Variants in PCDHA6 observed in about 807,000 individuals in gnomAD.
PCDHA6 encodes the protein protocadherin alpha-6.
Under a neutral mutation model 60.3 loss-of-function variants are expected in PCDHA6, and 55 were observed. The observed-to-expected ratio is 0.91, with a 90% confidence interval of 0.73 to 1.14. PCDHA6 has a LOEUF of 1.14. Ranked by LOEUF, PCDHA6 falls within the 50% of genes most tolerant of loss-of-function variation. PCDHA6 has a pLI of 0.00. For missense variants in PCDHA6, 1,327 were observed against 1,256.5 expected (o/e 1.06, Z -0.85); for synonymous variants, 652 against 557.9 (o/e 1.17, Z -2.38).
At chr5:140,972,500 T>C (rs1554234162) in intron 1 of PCDHA6, among the ~76,000 whole-genome samples, 1 of 152,108 alleles carries the variant, frequency 6.6e-6, no homozygotes, top group Non-Finnish European at 1.5e-5. Flanking sequence ...AATCTGTTGG[T>C]AGATTTTACC....
At chr5:140,961,864 AG>A (rs2095638942) in intron 1 of PCDHA6, among the ~76,000 whole-genome samples, 3 of 151,832 alleles carry the variant, frequency 2.0e-5, no homozygotes, top group Non-Finnish European at 2.9e-5. Context: ...ATCTGGCCAC[AG>A]ATAATTGACT....
chr5:140,877,609 C>T (rs1554169925), intron 1 of PCDHA6: 4 of 1,613,876 alleles, frequency 2.5e-6, no homozygotes, highest in Middle Eastern at 1.7e-4. Flanking sequence ...CCTGCTGGTG[C>T]TCACGCTGCT....
At chr5:140,842,787 T>C (rs1554139371) in intron 1 of PCDHA6, 1 of 1,594,358 alleles carries the variant, frequency 6.3e-7, no homozygotes, top group Non-Finnish European at 8.6e-7. Context: ...GAGAACGCGC[T>C]GGTGTCCTAC....
Position 140,836,082 on chromosome 5 carries a change from G to A in PCDHA6, c.2394+5597G>A, listed in dbSNP as rs2150252202. On this transcript the variant is annotated intron_variant, in intron 1 of 3. Transcript: ENST00000529310. ...GAACGACAACGCGCCGGCACTGCTG[G>A]CGCCTCGGGTGGGTGGCACTGGTGG... 3.1e-6 allele frequency: 5 copies of A among 1,613,608 alleles called. No homozygotes were observed. The African/African-American group carries it at 5.3e-5, about 17-fold the overall frequency.
At chr5:140,990,670 A>T (rs1172208113) in intron 3 of PCDHA6, among the ~76,000 whole-genome samples, 1 of 152,192 alleles carries the variant, frequency 6.6e-6, no homozygotes, top group Non-Finnish European at 1.5e-5. Flanking sequence ...CATTAGATGC[A>T]CACCAAGCTG....
At chr5:140,854,069 A>G (rs1432539790) in intron 1 of PCDHA6, 1 of 273,288 alleles carries the variant, frequency 3.7e-6, no homozygotes, top group Non-Finnish European at 5.6e-6. Context: ...GGCTGAGGCG[A>G]GAGAATCGCT....
intron 1 of PCDHA6, among the ~76,000 whole-genome samples, chr5:140,977,853 C>T (rs2096777992): frequency 6.6e-6 from 1 of 152,212 alleles, no homozygotes; most frequent in Admixed American, 6.5e-5. Context: ...GGCTTTGTTT[C>T]TACCAAATAT....
chr5:140,972,322 T>C (rs2096531924), intron 1 of PCDHA6, among the ~76,000 whole-genome samples: 1 of 151,968 alleles, frequency 6.6e-6, no homozygotes, highest in African/African-American at 2.4e-5. Context: ...AGGTGTTTTT[T>C]TTTTTTGGAA....
At chr5:140,869,598 T>A in intron 1 of PCDHA6, 6 of 1,614,122 alleles carry the variant, frequency 3.7e-6, no homozygotes, top group Non-Finnish European at 5.1e-6. Context: ...TTGAAGAGAA[T>A]GCTCTATTGA....
chr5:140,959,753 T>C (rs1479386012), intron 1 of PCDHA6, among the ~76,000 whole-genome samples: 1 of 152,226 alleles, frequency 6.6e-6, no homozygotes. Context: ...TTAAAGTATA[T>C]TTTAATATTC....
At chr5:140,966,790 T>C in intron 1 of PCDHA6, 1 of 1,529,556 alleles carries the variant, frequency 6.5e-7, no homozygotes, top group Non-Finnish European at 8.8e-7. Context: ...GCACCAGACC[T>C]GCGGCGACAG....
In PCDHA6 at chr5:140,853,855, T is replaced by C. The variant is rs1179807632; in HGVS notation, c.2394+23370T>C. On this transcript the variant is annotated intron_variant, in intron 1 of 3. Transcript: ENST00000529310. The stretch of plus-strand genomic sequence containing the variant: ...GAAATTTTAGATCCATAGCCCTATT[T>C]GATACTTGACAGTGCAAGTTTCTGT... 3.0e-6 allele frequency: 3 copies of C among 985,756 alleles called. No homozygotes were observed. In the African/African-American group the frequency reaches 5.3e-5, roughly 17 times the overall value. 61.1% of individuals were successfully genotyped at this position (985,756 alleles called of 1,614,324 possible). A position where few individuals can be genotyped will look rare whatever the true frequency, so the allele number is the denominator to read the frequency against.
chr5:140,850,250 G>T (rs2150475592), intron 1 of PCDHA6: 2 of 1,594,024 alleles, frequency 1.3e-6, no homozygotes, highest in South Asian at 2.2e-5. Flanking sequence ...TGCGGTCGGT[G>T]GGCGCCGGCG....
intron 1 of PCDHA6, chr5:140,849,880 T>G (rs2150456156): frequency 3.1e-6 from 5 of 1,598,328 alleles, no homozygotes; most frequent in Non-Finnish European, 4.3e-6. Context: ...GAGTACACGG[T>G]GTTCGTGAAG....
intron 1 of PCDHA6, among the ~76,000 whole-genome samples, chr5:140,923,975 T>C (rs1475895954): frequency 2.0e-5 from 3 of 152,222 alleles, no homozygotes; most frequent in African/African-American, 7.2e-5. Flanking sequence ...CCACACATAC[T>C]ATCCCTCTAG....
chr5:140,945,000 G>A (rs980802301), intron 1 of PCDHA6, among the ~76,000 whole-genome samples: 3 of 151,862 alleles, frequency 2.0e-5, no homozygotes, highest in African/African-American at 7.3e-5. Context: ...AACGGTTGTG[G>A]GTCATGAATT....
chr5:140,909,171 T>C (rs2074353484), intron 1 of PCDHA6, among the ~76,000 whole-genome samples: 1 of 152,208 alleles, frequency 6.6e-6, no homozygotes, highest in Non-Finnish European at 1.5e-5. Flanking sequence ...ATCAATCAAG[T>C]TCTCTCCAAA....
intron 1 of PCDHA6, among the ~76,000 whole-genome samples, chr5:140,880,368 T>G (rs1372331901): frequency 6.6e-6 from 1 of 152,170 alleles, no homozygotes; most frequent in African/African-American, 2.4e-5. Context: ...ATGAAAACCA[T>G]GAGAGAATAG....
At position 140,884,460 on chromosome 5, in the gene PCDHA6, C is replaced by T. The variant is rs782410675; in HGVS notation, c.2394+53975C>T. ...TGCTCGGCACCGCCCACCGAGGGCG[C>T]GTGCGCGCCGGGCAAGCCCACTCTA... On this transcript the variant is annotated intron_variant, in intron 1 of 3. Coordinates refer to ENST00000529310, the MANE Select transcript of PCDHA6 (RefSeq NM_018909.4). The T allele has an allele frequency of 2.5e-6, 4 of 1,613,730 alleles. No homozygotes were observed. The highest frequency in any genetic ancestry group is 3.3e-5 in the Admixed American group (2 of 59,998).
Sources: allele counts gnomAD v4.1 joint callset (sites outside exome capture counted in the v4.1 genomes callset), GRCh38; gene constraint gnomAD v4.1.1; transcripts MANE v1.5; gene names NCBI Gene and HGNC (gene_info 2026-07-23, HGNC 2026-07-21).